The following STAC variants were observed in gnomAD, a reference collection of about 807,000 sequenced individuals.
STAC encodes SH3 and cysteine rich domain, also known as SH3 and cysteine-rich domain-containing protein.
Under a neutral mutation model 48.8 loss-of-function variants are expected in STAC, and 43 were observed. That is an observed-to-expected ratio of 0.88 (90% CI 0.69 to 1.14). STAC has a LOEUF of 1.14. Among genes scored for constraint, STAC ranks in the 50% most tolerant of loss-of-function variants. The pLI is 0.00. For missense variants in STAC, 497 were observed against 504.0 expected (o/e 0.99, Z 0.13); for synonymous variants, 193 against 179.5 (o/e 1.07, Z -0.60).
chr3:36,489,484 G>A (rs1024403929), intron 5 of STAC, among the ~76,000 whole-genome samples: 7 of 152,178 alleles, frequency 4.6e-5, no homozygotes, highest in African/African-American at 1.4e-4. Flanking sequence ...TCTGGGTCTG[G>A]TTGGGCACCC....
chr3:36,515,728 T>C (rs1698655740), intron 8 of STAC, among the ~76,000 whole-genome samples: 1 of 152,148 alleles, frequency 6.6e-6, no homozygotes, highest in Non-Finnish European at 1.5e-5. Flanking sequence ...GGATGCTTTC[T>C]AGTCTTGTCT....
intron 1 of STAC, among the ~76,000 whole-genome samples, chr3:36,414,964 G>A (rs2125638447): frequency 6.6e-6 from 1 of 152,354 alleles, no homozygotes; most frequent in Middle Eastern, 3.4e-3. Context: ...GGTATCAGCA[G>A]TGGAGGCTGC....
intron 5 of STAC, among the ~76,000 whole-genome samples, chr3:36,491,583 GA>G (rs1215631845): frequency 6.6e-6 from 1 of 151,610 alleles, no homozygotes; most frequent in Non-Finnish European, 1.5e-5. Flanking sequence ...AGCAGTGTTT[GA>G]AAAAAAATCT....
chr3:36,429,002 G>A (rs1178145582), intron 1 of STAC, among the ~76,000 whole-genome samples: 2 of 152,170 alleles, frequency 1.3e-5, no homozygotes, highest in Non-Finnish European at 2.9e-5. Context: ...TTGTACAGGT[G>A]AGACCAGATG....
At chr3:36,401,642 T>C (rs986235897) in intron 1 of STAC, among the ~76,000 whole-genome samples, 3 of 152,170 alleles carry the variant, frequency 2.0e-5, no homozygotes, top group Non-Finnish European at 4.4e-5. Flanking sequence ...GACAGAAATA[T>C]GAATTGTTTA....
At position 36,486,335 on chromosome 3, in the gene STAC, T is replaced by C. The variant is rs1697815815; in HGVS notation, c.687+86T>C. On this transcript the variant is annotated intron_variant, in intron 5 of 10. Coordinates refer to ENST00000273183, the MANE Select transcript of STAC (RefSeq NM_003149.3). ...GCACTGCAGTATGGGGTATTCCACC[T>C]GACTGCCTCATGAGGGCAGGTCTGC... is the stretch of plus-strand genomic sequence containing the variant. 4 of 1,181,120 alleles carry C rather than the reference T, an allele frequency of 3.4e-6. No individual in the cohort carries two copies. The South Asian group carries it at 5.9e-5, about 17-fold the overall frequency. The allele number at this position is 1,181,120 out of a possible 1,614,324, so 73.2% of individuals were successfully genotyped here.
chr3:36,389,248 T>C (rs1175988005), intron 1 of STAC, among the ~76,000 whole-genome samples: 2 of 152,136 alleles, frequency 1.3e-5, no homozygotes, highest in South Asian at 4.1e-4. Flanking sequence ...ACAACAGAAA[T>C]GTATCTGTCA....
intron 2 of STAC, among the ~76,000 whole-genome samples, chr3:36,446,862 T>C (rs1319935030): frequency 6.6e-5 from 10 of 152,230 alleles, no homozygotes; most frequent in Admixed American, 5.9e-4. Flanking sequence ...ATGTATTTCA[T>C]TGCCTAAAAT....
At chr3:36,411,353 G>A (rs989555792) in intron 1 of STAC, among the ~76,000 whole-genome samples, 2 of 152,102 alleles carry the variant, frequency 1.3e-5, no homozygotes, top group Non-Finnish European at 2.9e-5. Context: ...AATAAATCTA[G>A]AGTCCTTATC....
intron 2 of STAC, among the ~76,000 whole-genome samples, chr3:36,449,489 CA>C (rs1411850282): frequency 6.6e-6 from 1 of 152,166 alleles, no homozygotes; most frequent in Non-Finnish European, 1.5e-5. Flanking sequence ...CCAGTGTTCT[CA>C]CAGAGATTAT....
chr3:36,414,312 C>T (rs1320978341), intron 1 of STAC, among the ~76,000 whole-genome samples: 1 of 152,036 alleles, frequency 6.6e-6, no homozygotes, highest in East Asian at 1.9e-4. Context: ...TCAGGTACAC[C>T]AATCAGACGT....
rs111893184 is a variant in STAC at position 36,388,056 on chromosome 3, T to C, written c.111+7302T>C. Among the ~76,000 whole-genome samples, 242 of 152,246 alleles carry C rather than the reference T, an allele frequency of 1.6e-3. 1 individual carries two copies. The highest frequency in any genetic ancestry group is 5.6e-3 in the African/African-American group (233 of 41,564). On this transcript the variant is annotated intron_variant, in intron 1 of 10. Coordinates refer to ENST00000273183, the MANE Select transcript of STAC (RefSeq NM_003149.3). ...CAAGATGGTATCTCATGTTTAGTGA[T>C]GTAGATCATGTTTTTATGTGCTTAT...
intron 2 of STAC, among the ~76,000 whole-genome samples, chr3:36,451,850 A>G (rs1559496958): frequency 6.6e-6 from 1 of 152,148 alleles, no homozygotes; most frequent in Non-Finnish European, 1.5e-5. Flanking sequence ...ATTTTCAGTA[A>G]TATTTTATCA....
intron 1 of STAC, among the ~76,000 whole-genome samples, chr3:36,441,748 T>A (rs900545496): frequency 6.6e-6 from 1 of 152,204 alleles, no homozygotes; most frequent in Non-Finnish European, 1.5e-5. Context: ...TCTGCATTTG[T>A]TATTTTTGTC....
intron 1 of STAC, among the ~76,000 whole-genome samples, chr3:36,437,931 G>GTTGTTATTATTATTA (rs1553634757): frequency 7.1e-6 from 1 of 140,576 alleles, no homozygotes; most frequent in East Asian, 2.1e-4. Context: ...TATTCATTGA[G>GTTGTTATTATTATTA]TTATTATTAT....
At chr3:36,493,071 C>A in intron 5 of STAC, 80 bp from the exon 6 acceptor site, 1 of 1,371,156 alleles carries the variant, frequency 7.3e-7, no homozygotes, top group Non-Finnish European at 1.0e-6. Flanking sequence ...TCTACCTAAG[C>A]TCTCTTACAC....
intron 1 of STAC, among the ~76,000 whole-genome samples, chr3:36,440,836 T>G (rs1469310336): frequency 1.3e-5 from 2 of 152,234 alleles, no homozygotes; most frequent in African/African-American, 4.8e-5. Flanking sequence ...GGCAAGGCCA[T>G]GTAAACTTGC....
Position 36,545,566 on chromosome 3 carries a change from C to T in STAC, c.1111-625C>T, listed in dbSNP as rs77740303. On this transcript the variant is annotated intron_variant, in intron 10 of 10. Transcript: ENST00000273183. ...AAACCTCTTCTAATTTTCATCTGCC[C>T]ACATCCACCCTTCTATGCCCTTCAG... is the stretch of plus-strand genomic sequence containing the variant. Among the ~76,000 whole-genome samples the T allele has an allele frequency of 8.1e-4, 123 of 152,322 alleles. No homozygotes were observed. The East Asian group carries it at 0.022, about 28-fold the overall frequency.
intron 2 of STAC, among the ~76,000 whole-genome samples, chr3:36,452,495 G>T (rs1368913266): frequency 6.6e-6 from 1 of 152,192 alleles, no homozygotes; most frequent in African/African-American, 2.4e-5. Context: ...GTTCTCTGGA[G>T]TGTCCTTAGC....
Sources: gnomAD v4.1 joint callset for allele counts (sites outside exome capture counted in the v4.1 genomes callset) on GRCh38, gnomAD v4.1.1 for gene constraint, MANE v1.5 for transcripts, NCBI Gene and HGNC (gene_info 2026-07-23, HGNC 2026-07-21) for gene names.